The following CHL1 variants were observed in gnomAD, a reference collection of about 807,000 sequenced individuals.
CHL1 encodes the protein cell adhesion molecule L1 like, also known as neural cell adhesion molecule L1-like protein.
In CHL1, 96 loss-of-function variants were observed where a neutral mutation model predicts 141.9. The ratio of observed to expected loss-of-function variants is 0.68; its 90% confidence interval spans 0.57 to 0.80. The LOEUF is 0.80. Among genes scored for constraint, CHL1 ranks in the 30% least tolerant of loss-of-function variants. CHL1 has a pLI of 0.00. For synonymous variants in CHL1, 613 were observed against 502.2 expected (o/e 1.22, Z -2.95); for missense variants, 1,820 against 1,457.2 (o/e 1.25, Z -4.05).
At position 344,713 on chromosome 3, in the gene CHL1, A is replaced by C; in HGVS notation, c.848+4A>C. 1 of 1,613,514 alleles carries C rather than the reference A, an allele frequency of 6.2e-7. No individual in the cohort carries two copies. The highest frequency in any genetic ancestry group is 8.5e-7 in the Non-Finnish European group (1 of 1,179,672). ...TTGAGTGTTTTGCTGAAGGCTTGTG[A>C]GTAACCTGACTCTCACTCATGACTT... On this transcript the variant is annotated splice_donor_region_variant and intron_variant, in intron 9 of 27. Transcript: ENST00000256509.
intron 2 of CHL1, among the ~76,000 whole-genome samples, chr3:257,236 T>A (rs1694253210): frequency 6.6e-6 from 1 of 152,076 alleles, no homozygotes; most frequent in Admixed American, 6.6e-5. Context: ...TTAAAAAAAA[T>A]TTAGTTCTCT....
chr3:208,736 G>C (rs191202230), intron 1 of CHL1, among the ~76,000 whole-genome samples: 1 of 152,174 alleles, frequency 6.6e-6, no homozygotes, highest in Non-Finnish European at 1.5e-5. Context: ...TCCTAAAACC[G>C]AAGTGGAAAA....
At chr3:346,998 T>C (rs1351357689) in intron 9 of CHL1, among the ~76,000 whole-genome samples, 1 of 152,180 alleles carries the variant, frequency 6.6e-6, no homozygotes, top group Non-Finnish European at 1.5e-5. Context: ...TATCTCAAGA[T>C]AGGTCTATAT....
chr3:247,988 A>G (rs1693329248), intron 2 of CHL1: 1 of 151,896 alleles, frequency 6.6e-6, no homozygotes, highest in South Asian at 2.1e-4. Flanking sequence ...TCCTATCCAT[A>G]TTTGATGTCT....
chr3:355,779 A>T (rs1292494136), intron 11 of CHL1, among the ~76,000 whole-genome samples: 1 of 152,216 alleles, frequency 6.6e-6, no homozygotes, highest in South Asian at 2.1e-4. Flanking sequence ...ATGAAAAAAA[A>T]TGTGGCCAGC....
chr3:389,961 T>C (rs1296026696), intron 20 of CHL1, among the ~76,000 whole-genome samples: 1 of 152,158 alleles, frequency 6.6e-6, no homozygotes, highest in Non-Finnish European at 1.5e-5. Flanking sequence ...CCATAGTAAC[T>C]GCTGCAAATA....
At chr3:302,443 T>G (rs1698840114) in intron 2 of CHL1, among the ~76,000 whole-genome samples, 2 of 152,356 alleles carry the variant, frequency 1.3e-5, no homozygotes, top group South Asian at 4.1e-4. Context: ...CAATTCTAAC[T>G]GGCATGAGAT....
chr3:342,395 C>T (rs891306836), intron 7 of CHL1, among the ~76,000 whole-genome samples: 9 of 152,070 alleles, frequency 5.9e-5, no homozygotes, highest in East Asian at 1.9e-4. Flanking sequence ...TCTTGGGCAT[C>T]GATTCACTGT....
chr3:299,374 A>G (rs1180754489), intron 2 of CHL1, among the ~76,000 whole-genome samples: 1 of 152,198 alleles, frequency 6.6e-6, no homozygotes, highest in Non-Finnish European at 1.5e-5. Flanking sequence ...TAGCAGCATC[A>G]GTGAACATAT....
rs778296685 is a variant in CHL1, at chr3:361,771, A to G, written c.1379A>G (p.His460Arg). ...ATVVGYSAFL[H>R]CEFFASPEAV... ...GTGGTTGGGTACAGTGCTTTCTTAC[A>G]TTGCGAGTTCTTTGCTTCACCTGAG... Residue 460 changes from histidine to arginine, a missense_variant, in exon 13 of 28, where the codon CAT (histidine) becomes CGT (arginine). Coordinates refer to ENST00000256509, the MANE Select transcript of CHL1 (RefSeq NM_006614.4). The G allele has an allele frequency of 1.2e-6, 2 of 1,613,656 alleles. No individual in the cohort carries two copies. Among genetic ancestry groups the G allele is most frequent in the South Asian group, 1.1e-5 (1 of 91,066 alleles).
At chr3:230,692 A>T (rs998500105) in intron 1 of CHL1, among the ~76,000 whole-genome samples, 24 of 152,226 alleles carry the variant, frequency 1.6e-4, no homozygotes, top group Non-Finnish European at 2.2e-4. Context: ...GAACATGAAT[A>T]GTTGTTTCAA....
intron 2 of CHL1, among the ~76,000 whole-genome samples, chr3:280,090 A>G (rs913021454): frequency 2.0e-5 from 3 of 152,216 alleles, no homozygotes; most frequent in African/African-American, 4.8e-5. Flanking sequence ...GTGTGTAAAG[A>G]TAAGTATTTT....
chr3:235,331 T>G (rs988140310), intron 1 of CHL1, among the ~76,000 whole-genome samples: 10 of 151,992 alleles, frequency 6.6e-5, no homozygotes, highest in African/African-American at 2.4e-4. Context: ...ATATGTAACT[T>G]CTTCATGCCT....
chr3:305,559 C>A (rs1699151730), intron 2 of CHL1, among the ~76,000 whole-genome samples: 1 of 151,798 alleles, frequency 6.6e-6, no homozygotes, highest in African/African-American at 2.4e-5. Context: ...TGTGATTTTT[C>A]TAGGAAAAAC....
intron 1 of CHL1, among the ~76,000 whole-genome samples, chr3:231,729 A>C (rs943783096): frequency 1.3e-5 from 2 of 151,830 alleles, no homozygotes; most frequent in African/African-American, 4.8e-5. Context: ...GGTGCCTGCC[A>C]CCATGCCTGG....
chr3:239,030 C>G (rs935214067), intron 1 of CHL1, among the ~76,000 whole-genome samples: 3 of 151,744 alleles, frequency 2.0e-5, no homozygotes, highest in Admixed American at 6.6e-5. Context: ...TAGCAGCTGT[C>G]AAGGTTCATA....
intron 2 of CHL1, among the ~76,000 whole-genome samples, chr3:265,936 C>T (rs1408700838): frequency 6.6e-6 from 1 of 152,164 alleles, no homozygotes; most frequent in Non-Finnish European, 1.5e-5. Context: ...CAAACCATCC[C>T]ATGCACAGAG....
At chr3:330,275 A>G (rs527935272) in intron 5 of CHL1, among the ~76,000 whole-genome samples, 1 of 152,280 alleles carries the variant, frequency 6.6e-6, no homozygotes, top group African/African-American at 2.4e-5. Flanking sequence ...AATAGAATAT[A>G]TTTTGAAGTG....
intron 15 of CHL1, among the ~76,000 whole-genome samples, chr3:371,494 T>C (rs1705627865): frequency 6.6e-6 from 1 of 152,218 alleles, no homozygotes; most frequent in South Asian, 2.1e-4. Flanking sequence ...TGAATCTATG[T>C]GTGTCTTTGC....
Sources: gnomAD v4.1 joint callset for allele counts (sites outside exome capture counted in the v4.1 genomes callset) on GRCh38, gnomAD v4.1.1 for gene constraint, MANE v1.5 for transcripts, NCBI Gene and HGNC (gene_info 2026-07-23, HGNC 2026-07-21) for gene names.